CDIN1: variants seen among roughly 807,000 people sequenced by gnomAD.
The protein encoded by CDIN1 is CDAN1 interacting nuclease 1.
In CDIN1, 33 loss-of-function variants were observed where a neutral mutation model predicts 45.3. That is an observed-to-expected ratio of 0.73 (90% confidence interval 0.55 to 0.97). The LOEUF (loss-of-function observed/expected upper bound fraction) is 0.97. Ranked by LOEUF, CDIN1 falls within the 50% of genes least tolerant of loss-of-function variation. CDIN1 has a pLI of 0.00. For missense variants in CDIN1, 303 were observed against 339.4 expected (o/e 0.89, Z 0.84); for synonymous variants, 118 against 124.4 (o/e 0.95, Z 0.34).
chr15:36,655,515 C>T (rs2040749054), intron 4 of CDIN1, among the ~76,000 whole-genome samples: 3 of 151,912 alleles, frequency 2.0e-5, no homozygotes. Context: ...TTAGCAGAGA[C>T]GGGGTTTCAT....
In CDIN1 at chr15:36,579,819, G is replaced by A; in HGVS notation, c.-42G>A. 6.5e-7 allele frequency: 1 copy of A among 1,545,498 alleles called. No individual in the cohort carries two copies. The highest frequency in any genetic ancestry group is 2.3e-5 in the East Asian group (1 of 43,212). Reference sequence around the variant, plus strand: ...ACCAAGGCTACTTGAGCCCCAGGGTGTTTTTTCCTTGTTCCCGCCACCTCC... The same window carrying A: ...ACCAAGGCTACTTGAGCCCCAGGGTATTTTTTCCTTGTTCCCGCCACCTCC... On this transcript the variant is annotated 5_prime_UTR_variant, in exon 1 of 11. Transcript: ENST00000566621.
Position 36,620,661 on chromosome 15 carries a change from A to G in CDIN1, c.102-23617A>G, listed in dbSNP as rs114755727. On this transcript the variant is annotated intron_variant, in intron 1 of 10. Coordinates refer to ENST00000566621, the MANE Select transcript of CDIN1 (RefSeq NM_001321759.2). Reference sequence around the variant, plus strand: ...TTACTCTTCTGTTCACACATTGAGAATTTTAGGTCCCAAGATGGTAAGGCG... The same window carrying G: ...TTACTCTTCTGTTCACACATTGAGAGTTTTAGGTCCCAAGATGGTAAGGCG... Among the ~76,000 whole-genome samples, 1,182 of 152,332 alleles carry G rather than the reference A, an allele frequency of 7.8e-3. 15 individuals are homozygous for G. The highest frequency in any genetic ancestry group is 0.027 in the African/African-American group (1,115 of 41,568).
chr15:36,703,841 G>A (rs1231145836), intron 8 of CDIN1, among the ~76,000 whole-genome samples: 1 of 152,106 alleles, frequency 6.6e-6, no homozygotes, highest in Non-Finnish European at 1.5e-5. Context: ...TCTAACATCA[G>A]TGACTACAGC....
intron 10 of CDIN1, among the ~76,000 whole-genome samples, chr15:36,723,673 T>A (rs555993836): frequency 9.9e-5 from 15 of 152,182 alleles, no homozygotes; most frequent in Non-Finnish European, 1.6e-4. Flanking sequence ...CAGGCGATCT[T>A]CCCACCTCTG....
intron 7 of CDIN1, among the ~76,000 whole-genome samples, chr15:36,693,768 C>T (rs1291300158): frequency 6.6e-6 from 1 of 152,056 alleles, no homozygotes; most frequent in African/African-American, 2.4e-5. Context: ...AGGTTATTTA[C>T]AAGTTTTGCC....
intron 5 of CDIN1, among the ~76,000 whole-genome samples, chr15:36,675,767 A>C (rs1181289564): frequency 6.6e-6 from 1 of 152,178 alleles, no homozygotes; most frequent in Non-Finnish European, 1.5e-5. Flanking sequence ...CATTTAAATG[A>C]ATAGCTCATT....
At chr15:36,756,022 G>A (rs555008255) in intron 10 of CDIN1, 20 of 455,878 alleles carry the variant, frequency 4.4e-5, no homozygotes, top group South Asian at 3.1e-4. Context: ...TCTGTGCTGA[G>A]TCCAGCAAGG....
rs1299108284 is a variant in CDIN1, at chr15:36,579,918, C to T, written c.58C>T (p.Pro20Ser). 4 of 1,613,868 alleles carry T rather than the reference C, an allele frequency of 2.5e-6. No individual in the cohort carries two copies. Among genetic ancestry groups the T allele is most frequent in the Non-Finnish European group, 2.5e-6 (3 of 1,179,890 alleles). Residue 20 changes from proline to serine, a missense_variant, in exon 1 of 11, where the codon CCT becomes TCT. By Grantham distance (74) the Pro-to-Ser change is moderately conservative. Coordinates refer to ENST00000566621, the MANE Select transcript of CDIN1 (RefSeq NM_001321759.2). ...EIAQCLVSVPPTRQSLRKLKQ... is the reference protein window; with the variant it reads ...EIAQCLVSVPSTRQSLRKLKQ... The stretch of plus-strand genomic sequence containing the variant: ...AGCCCAGTGCCTAGTGTCTGTGCCG[C>T]CTACCAGGCAGAGCCTGAGGAAGCT...
rs1450370353 is a variant in CDIN1 at position 36,808,509 on chromosome 15, T to C, written c.*56T>C. The C allele has an allele frequency of 3.1e-6, 5 of 1,598,700 alleles. No individual in the cohort carries two copies. Among genetic ancestry groups the C allele is most frequent in the South Asian group, 1.1e-5 (1 of 89,016 alleles). ...GAAAAGGTGAATCCGGAAGCAATTT[T>C]ACTTTCCTGCACTGTAAGATCCTGG... is the stretch of plus-strand genomic sequence containing the variant. On this transcript the variant is annotated 3_prime_UTR_variant, in exon 11 of 11. Transcript: ENST00000566621.
intron 10 of CDIN1, among the ~76,000 whole-genome samples, chr15:36,792,280 G>A (rs993315248): frequency 7.2e-5 from 11 of 152,120 alleles, no homozygotes; most frequent in African/African-American, 2.7e-4. Flanking sequence ...TCGAAGTGTA[G>A]CTCTCTCTTG....
chr15:36,747,012 G>C (rs1271668101), intron 10 of CDIN1: 1 of 397,936 alleles, frequency 2.5e-6, no homozygotes, highest in Non-Finnish European at 4.4e-6. Flanking sequence ...GCCACCCAAA[G>C]TGCTGGAATT....
At chr15:36,748,831 C>T (rs939104624) in intron 10 of CDIN1, among the ~76,000 whole-genome samples, 4 of 151,946 alleles carry the variant, frequency 2.6e-5, no homozygotes, top group Non-Finnish European at 4.4e-5. Context: ...CAGAAACTGC[C>T]GACAGACCCA....
At chr15:36,582,892 A>G (rs2037112531) in intron 1 of CDIN1, among the ~76,000 whole-genome samples, 1 of 152,238 alleles carries the variant, frequency 6.6e-6, no homozygotes, top group Non-Finnish European at 1.5e-5. Context: ...AGCATTTTAA[A>G]AATTATTATA....
intron 8 of CDIN1, among the ~76,000 whole-genome samples, chr15:36,701,121 G>GATA (rs749666951): frequency 0.085 from 6,932 of 81,916 alleles, 171 homozygotes; most frequent in Middle Eastern, 0.11. Flanking sequence ...TAGATAGGTA[G>GATA]GTAGATAGAT....
intron 1 of CDIN1, chr15:36,641,271 G>C (rs997334205): frequency 2.0e-5 from 3 of 152,220 alleles, no homozygotes; most frequent in African/African-American, 7.2e-5. Flanking sequence ...ATGGAGGCTG[G>C]TCAGCTCAAT....
At chr15:36,727,876 A>T (rs911547965) in intron 10 of CDIN1, among the ~76,000 whole-genome samples, 3 of 152,236 alleles carry the variant, frequency 2.0e-5, no homozygotes, top group Admixed American at 2.0e-4. Flanking sequence ...GCCGGTAAAA[A>T]GTAGACCCTG....
At chr15:36,682,936 G>T (rs2041908874) in intron 5 of CDIN1, among the ~76,000 whole-genome samples, 1 of 152,070 alleles carries the variant, frequency 6.6e-6, no homozygotes, top group South Asian at 2.1e-4. Flanking sequence ...CAATAACATG[G>T]GAGGCTGATA....
intron 1 of CDIN1, among the ~76,000 whole-genome samples, chr15:36,604,456 C>CACACAG (rs1241807342): frequency 6.6e-6 from 1 of 151,208 alleles, no homozygotes; most frequent in Non-Finnish European, 1.5e-5. Context: ...CACACACACA[C>CACACAG]ATTTTAGAGT....
Position 36,761,024 on chromosome 15 carries a change from A to G in CDIN1, c.717-47300A>G, listed in dbSNP as rs570025337. ...TTCCTTCCCCTTGTTTTCATTCAGA[A>G]TGCTTGCATTTTACTTTGAGATTTT... is the stretch of plus-strand genomic sequence containing the variant. On this transcript the variant is annotated intron_variant, in intron 10 of 10. Transcript: ENST00000566621. 3.5e-4 allele frequency among the ~76,000 whole-genome samples: 53 copies of G among 152,268 alleles called. 1 individual carries two copies. In the South Asian group the frequency reaches 0.01, roughly 29 times the overall value.
Sources: gnomAD v4.1 joint callset for allele counts (sites outside exome capture counted in the v4.1 genomes callset) on GRCh38, gnomAD v4.1.1 for gene constraint, MANE v1.5 for transcripts, NCBI Gene and HGNC (gene_info 2026-07-23, HGNC 2026-07-21) for gene names.